Variants in IQSEC1 observed in about 807,000 individuals in gnomAD.
The protein encoded by IQSEC1 is IQ motif and SEC7 domain-containing protein 1.
In IQSEC1, 31 loss-of-function variants were observed where a neutral mutation model predicts 91.0. The observed-to-expected ratio is 0.34, with a 90% CI of 0.26 to 0.46. The LOEUF is 0.46. Among genes scored for constraint, IQSEC1 ranks in the 20% least tolerant of loss-of-function variants. The pLI, the probability that IQSEC1 is intolerant of heterozygous loss-of-function variation, is 1.00. For synonymous variants in IQSEC1, 699 were observed against 662.6 expected, an observed-to-expected ratio of 1.05 and a Z score of -0.84; for missense variants, 1,388 against 1,575.6, an observed-to-expected ratio of 0.88 and a Z score of 2.02.
chr3:13,002,410 A>T (rs1204028071), intron 1 of IQSEC1, among the ~76,000 whole-genome samples: 1 of 152,026 alleles, frequency 6.6e-6, no homozygotes, highest in East Asian at 1.9e-4. Context: ...AAGGCCCTGC[A>T]TAGGCTCATG....
chr3:12,947,762 C>T (rs1423444566), intron 1 of IQSEC1, among the ~76,000 whole-genome samples: 2 of 152,242 alleles, frequency 1.3e-5, no homozygotes, highest in Non-Finnish European at 2.9e-5. Context: ...CGTGCTAAGG[C>T]ACAGTGAGCC....
intron 3 of IQSEC1, among the ~76,000 whole-genome samples, chr3:12,925,452 G>C: frequency 6.6e-6 from 1 of 152,214 alleles, no homozygotes; most frequent in East Asian, 1.9e-4. Flanking sequence ...AGGGGTCCTG[G>C]CTTCCCCTGC....
intron 1 of IQSEC1, among the ~76,000 whole-genome samples, chr3:13,038,897 T>C (rs921683726): frequency 6.6e-6 from 1 of 152,194 alleles, no homozygotes; most frequent in Non-Finnish European, 1.5e-5. Context: ...ACTATGTACC[T>C]ACAGCAATTT....
intron 1 of IQSEC1, among the ~76,000 whole-genome samples, chr3:13,054,385 G>A (rs1412989950): frequency 2.6e-5 from 4 of 152,196 alleles, no homozygotes; most frequent in South Asian, 2.1e-4. Flanking sequence ...GGGCAGAAGC[G>A]AGGGCAAGGG....
intron 2 of IQSEC1, among the ~76,000 whole-genome samples, chr3:13,116,627 G>A (rs1018898251): frequency 5.3e-5 from 8 of 152,090 alleles, no homozygotes; most frequent in Non-Finnish European, 8.8e-5. Flanking sequence ...CCGGCCGGGC[G>A]CAGTGCCTCA....
chr3:13,188,986 AC>A (rs1326743916), intron 1 of IQSEC1, among the ~76,000 whole-genome samples: 1 of 152,092 alleles, frequency 6.6e-6, no homozygotes, highest in Non-Finnish European at 1.5e-5. Flanking sequence ...ACCTGGCAGC[AC>A]CCCCTCAGGA....
intron 1 of IQSEC1, among the ~76,000 whole-genome samples, chr3:13,015,376 T>A (rs1246095568): frequency 6.6e-6 from 1 of 151,986 alleles, no homozygotes; most frequent in African/African-American, 2.4e-5. Context: ...AAACACCTGG[T>A]GTTCCTGGGC....
chr3:13,147,291 A>G (rs1363856352), intron 2 of IQSEC1, among the ~76,000 whole-genome samples: 1 of 152,250 alleles, frequency 6.6e-6, no homozygotes, highest in East Asian at 1.9e-4. Flanking sequence ...TGTACCTGAT[A>G]CATATTTTTT....
At chr3:13,197,151 GC>G (rs1004105815) in intron 1 of IQSEC1, among the ~76,000 whole-genome samples, 28 of 152,302 alleles carry the variant, frequency 1.8e-4, no homozygotes, top group African/African-American at 6.7e-4. Context: ...CTCTCCAGGA[GC>G]CTGAAGACAT....
At position 12,909,476 on chromosome 3, in the gene IQSEC1, G is replaced by C. The variant is rs1213303480; in HGVS notation, c.2417-42C>G. 1 of 1,579,186 alleles carries C rather than the reference G, an allele frequency of 6.3e-7. No individual in the cohort carries two copies. Among genetic ancestry groups the C allele is most frequent in the South Asian group, 1.1e-5 (1 of 88,302 alleles). On this transcript the variant is annotated intron_variant, in intron 10 of 13. Coordinates refer to ENST00000613206, the MANE Select transcript of IQSEC1 (RefSeq NM_001134382.3). The surrounding 1 kb of genome is among the most constrained non-coding windows in gnomAD (Gnocchi z 4.9). ...GAGGGGAGGAGGCCCACGGGTCTCAGTGTGTTCTCTGCAATCTCCTCTCTG... is the reference window on the plus strand; with the variant it reads ...GAGGGGAGGAGGCCCACGGGTCTCACTGTGTTCTCTGCAATCTCCTCTCTG...
At chr3:13,179,447 T>C (rs1443425740) in intron 1 of IQSEC1, among the ~76,000 whole-genome samples, 1 of 152,250 alleles carries the variant, frequency 6.6e-6, no homozygotes, top group Non-Finnish European at 1.5e-5. Flanking sequence ...ATGAAAACTG[T>C]CAACCCACAA....
chr3:12,900,206 G>T lies in IQSEC1; in HGVS notation c.*777C>A, dbSNP rs1185186897. The T allele has an allele frequency of 1.0e-6, 1 of 980,334 alleles. No individual in the cohort carries two copies. The highest frequency in any genetic ancestry group is 1.1e-4 in the East Asian group (1 of 8,800). 60.7% of individuals were successfully genotyped at this position (980,334 alleles called of 1,614,324 possible). On this transcript the variant is annotated 3_prime_UTR_variant, in exon 14 of 14. Coordinates refer to ENST00000613206, the MANE Select transcript of IQSEC1 (RefSeq NM_001134382.3). ...CAATACTGGACTTTTTAAACAGTTA[G>T]ATGCTATGTTACTTGGCACAGTTAG...
intron 1 of IQSEC1, among the ~76,000 whole-genome samples, chr3:13,031,107 T>C (rs1035773654): frequency 3.3e-5 from 5 of 152,272 alleles, no homozygotes; most frequent in African/African-American, 1.2e-4. Context: ...ACACAGATAC[T>C]GTTTCCTGCC....
chr3:13,220,632 C>T (rs1357695845), intron 1 of IQSEC1, among the ~76,000 whole-genome samples: 2 of 152,244 alleles, frequency 1.3e-5, no homozygotes, highest in Non-Finnish European at 2.9e-5. Context: ...TCACGGCCAT[C>T]GCTGACTTGC....
intron 3 of IQSEC1, among the ~76,000 whole-genome samples, chr3:12,928,390 C>G (rs1305038697): frequency 6.6e-6 from 1 of 152,164 alleles, no homozygotes; most frequent in African/African-American, 2.4e-5. Context: ...GTGAGGGGGC[C>G]TAGGCCGGTG....
chr3:12,902,527 G>A (rs183961021), intron 13 of IQSEC1, among the ~76,000 whole-genome samples: 41 of 151,816 alleles, frequency 2.7e-4, no homozygotes, highest in Admixed American at 8.5e-4. Flanking sequence ...CAAAACAAGC[G>A]GTGAGAGGCA....
chr3:13,041,326 G>A (rs1016906218), intron 1 of IQSEC1, among the ~76,000 whole-genome samples: 8 of 152,166 alleles, frequency 5.3e-5, no homozygotes, highest in South Asian at 2.1e-4. Flanking sequence ...GGCCTCTCTC[G>A]CTGGCACCCT....
chr3:13,262,612 A>G (rs1198715454), intron 1 of IQSEC1, among the ~76,000 whole-genome samples: 1 of 152,252 alleles, frequency 6.6e-6, no homozygotes, highest in Admixed American at 6.5e-5. Context: ...GTGTTAGCAC[A>G]CCCAATGCAC....
Position 12,911,644 on chromosome 3 carries a change from G to C in IQSEC1, c.2401C>G (p.Leu801Val). ...GCAGACTTACACTGGTTCTCGAAGA[G>C]CAGGACCTGCATGCCGTACAAGGAG... Reference protein sequence around the residue: ...SFSLYGMQVLLFENQYYPNGI... With the variant: ...SFSLYGMQVLVFENQYYPNGI... The change falls in exon 10 of 14, where the codon CTC becomes GTC. Residue 801 changes from leucine to valine, a missense_variant. By Grantham distance (32) the Leu-to-Val change is conservative (BLOSUM62 1). Transcript: ENST00000613206. 6.2e-7 allele frequency: 1 copy of C among 1,613,136 alleles called. No homozygotes were observed.
Sources: gnomAD v4.1 joint callset for allele counts (sites outside exome capture counted in the v4.1 genomes callset) on GRCh38, gnomAD v4.1.1 for gene constraint, Gnocchi (gnomAD v3.1) non-coding constraint, MANE v1.5 for transcripts, NCBI Gene and HGNC (gene_info 2026-07-23, HGNC 2026-07-21) for gene names.